Variants in LUZP2 observed in about 807,000 individuals in gnomAD.
LUZP2 encodes leucine zipper protein 2.
A neutral mutation model predicts 51.6 loss-of-function variants in LUZP2; 52 were observed. That is an observed-to-expected ratio of 1.01 (90% CI 0.81 to 1.27). LUZP2 has a LOEUF of 1.27. LUZP2 is among the 50% of genes most tolerant of loss of function. The probability of loss-of-function intolerance (pLI) is 0.00; values close to 1 mark genes in which losing one functional copy is unlikely to be tolerated. For missense variants in LUZP2, 436 were observed against 395.4 expected, an observed-to-expected ratio of 1.10 and a Z score of -0.87; for synonymous variants, 154 against 137.3, an observed-to-expected ratio of 1.12 and a Z score of -0.85.
At chr11:24,804,701 A>G (rs758534304) in intron 5 of LUZP2, among the ~76,000 whole-genome samples, 3 of 152,206 alleles carry the variant, frequency 2.0e-5, no homozygotes, top group Non-Finnish European at 4.4e-5. Flanking sequence ...GAGAAAGGTC[A>G]GAAAATTCTT....
At chr11:24,586,413 G>A (rs1033293375) in intron 1 of LUZP2, among the ~76,000 whole-genome samples, 5 of 151,858 alleles carry the variant, frequency 3.3e-5, no homozygotes, top group African/African-American at 1.2e-4. Flanking sequence ...TAAGACACCT[G>A]AAGAGTTTAA....
At chr11:24,781,358 A>G (rs1261298082) in intron 5 of LUZP2, among the ~76,000 whole-genome samples, 3 of 152,066 alleles carry the variant, frequency 2.0e-5, no homozygotes, top group Non-Finnish European at 4.4e-5. Flanking sequence ...TAGATTGACA[A>G]TATGATATAT....
chr11:24,836,603 T>G (rs1850866093), intron 5 of LUZP2, among the ~76,000 whole-genome samples: 2 of 151,842 alleles, frequency 1.3e-5, no homozygotes, highest in African/African-American at 4.8e-5. Flanking sequence ...ATCTCAAAGC[T>G]GCATAACTTG....
At chr11:24,773,579 C>T (rs184773951) in intron 5 of LUZP2, among the ~76,000 whole-genome samples, 9 of 149,948 alleles carry the variant, frequency 6.0e-5, no homozygotes, top group African/African-American at 1.8e-4. Context: ...CATCAGCAGC[C>T]GGTGTTGGGA....
At chr11:24,753,404 A>T (rs1211871283) in intron 4 of LUZP2, among the ~76,000 whole-genome samples, 1 of 152,132 alleles carries the variant, frequency 6.6e-6, no homozygotes, top group Admixed American at 6.5e-5. Flanking sequence ...TCATTACTTC[A>T]GCTTTATGTC....
intron 5 of LUZP2, among the ~76,000 whole-genome samples, chr11:24,846,533 A>T (rs932227791): frequency 3.9e-5 from 6 of 152,144 alleles, no homozygotes; most frequent in Non-Finnish European, 7.4e-5. Context: ...ACCAAAACTG[A>T]TAGAAACAAA....
At chr11:24,630,314 A>G (rs575475065) in intron 1 of LUZP2, among the ~76,000 whole-genome samples, 1 of 152,142 alleles carries the variant, frequency 6.6e-6, no homozygotes, top group East Asian at 1.9e-4. Context: ...TTGGACTTTT[A>G]TAGTTTCAGG....
chr11:24,871,043 AT>A (rs1852055448), intron 5 of LUZP2, among the ~76,000 whole-genome samples: 1 of 152,126 alleles, frequency 6.6e-6, no homozygotes. Flanking sequence ...ATTTAGGTCC[AT>A]TCTTAGGAAG....
chr11:24,672,105 G>A (rs1255689771), intron 1 of LUZP2, among the ~76,000 whole-genome samples: 1 of 152,012 alleles, frequency 6.6e-6, no homozygotes, highest in Non-Finnish European at 1.5e-5. Context: ...GTACAATTTA[G>A]TTCTATACAA....
chr11:24,878,116 TTG>T (rs746954284), intron 5 of LUZP2, among the ~76,000 whole-genome samples: 29,547 of 132,106 alleles, frequency 0.22, 2,974 homozygotes, highest in East Asian at 0.3. Flanking sequence ...TTTTTTTTTT[TTG>T]GTGAACTTAC....
intron 5 of LUZP2, among the ~76,000 whole-genome samples, chr11:24,781,451 C>A (rs1054590135): frequency 6.6e-6 from 1 of 151,824 alleles, no homozygotes; most frequent in Admixed American, 6.6e-5. Flanking sequence ...GTTGACTCTG[C>A]AGTAATTGGC....
intron 9 of LUZP2, among the ~76,000 whole-genome samples, chr11:25,027,820 A>T (rs1433729691): frequency 6.6e-6 from 1 of 151,166 alleles, no homozygotes; most frequent in Non-Finnish European, 1.5e-5. Flanking sequence ...CAGTGAGCTG[A>T]GATCACGCCA....
chr11:24,634,903 A>T (rs1223395967), intron 1 of LUZP2, among the ~76,000 whole-genome samples: 1 of 152,152 alleles, frequency 6.6e-6, no homozygotes, highest in East Asian at 1.9e-4. Context: ...GTAAGCATGG[A>T]TGATCTGTAC....
chr11:24,851,029 G>T (rs2631456), intron 5 of LUZP2, among the ~76,000 whole-genome samples: 23,036 of 152,068 alleles, frequency 0.15, 1,894 homozygotes, highest in African/African-American at 0.2. Flanking sequence ...TAATGGGGTT[G>T]TCTAAATATA....
intron 5 of LUZP2, among the ~76,000 whole-genome samples, chr11:24,808,770 C>T (rs904429915): frequency 6.6e-6 from 1 of 151,958 alleles, no homozygotes; most frequent in African/African-American, 2.4e-5. Context: ...TGTAACAAAT[C>T]CCAGCTATCA....
chr11:25,001,184 C>A (rs1189516248), intron 9 of LUZP2, among the ~76,000 whole-genome samples: 1 of 152,154 alleles, frequency 6.6e-6, no homozygotes, highest in East Asian at 1.9e-4. Context: ...ATTAATAAGA[C>A]CTCATTCAGT....
intron 2 of LUZP2, among the ~76,000 whole-genome samples, 177 bp from the exon 3 acceptor site, chr11:24,731,941 G>C (rs532200471): frequency 6.6e-6 from 1 of 151,844 alleles, no homozygotes; most frequent in East Asian, 1.9e-4. Flanking sequence ...CCACTGTGTA[G>C]TTGGGTGTCA....
chr11:24,892,089 A>G (rs1852872224), intron 5 of LUZP2: 1 of 985,420 alleles, frequency 1.0e-6, no homozygotes. Flanking sequence ...GCTCATGGTC[A>G]CTCGTGACTT....
chr11:25,024,547 A>G (rs572356218), intron 9 of LUZP2, among the ~76,000 whole-genome samples: 8 of 152,284 alleles, frequency 5.3e-5, no homozygotes, highest in Non-Finnish European at 1.2e-4. Context: ...CCCATTTACA[A>G]TTGCTTCAAA....
Sources: allele counts gnomAD v4.1 joint callset (sites outside exome capture counted in the v4.1 genomes callset), GRCh38; gene constraint gnomAD v4.1.1; transcripts MANE v1.5; gene names NCBI Gene and HGNC (gene_info 2026-07-23, HGNC 2026-07-21).